The following ZNF724 variants were observed in gnomAD, a reference collection of about 807,000 sequenced individuals.
The protein encoded by ZNF724 is zinc finger protein 724 pseudogene.
Under a neutral mutation model 29.3 loss-of-function variants are expected in ZNF724, and 14 were observed. The ratio of observed to expected loss-of-function variants is 0.48; its 90% confidence interval spans 0.32 to 0.75. The LOEUF (loss-of-function observed/expected upper bound fraction) is 0.75, where lower values mean the gene tolerates loss of function less well. Ranked by LOEUF, ZNF724 falls within the 30% of genes least tolerant of loss-of-function variation. ZNF724 has a pLI of 0.04. For missense variants in ZNF724, 557 were observed against 571.2 expected (o/e 0.98, Z 0.25); for synonymous variants, 180 against 193.6 (o/e 0.93, Z 0.58).
intron 1 of ZNF724, among the ~76,000 whole-genome samples, chr19:23,248,491 G>A (rs1972282424): frequency 6.6e-6 from 1 of 151,984 alleles, no homozygotes; most frequent in Non-Finnish European, 1.5e-5. Context: ...CCTCTGTGGA[G>A]TGTGAAAATA....
chr19:23,227,901 G>A (rs1353585038), intron 3 of ZNF724, among the ~76,000 whole-genome samples: 2 of 151,988 alleles, frequency 1.3e-5, no homozygotes, highest in African/African-American at 4.8e-5. Flanking sequence ...ATTTGAAATA[G>A]AAAATAGAAA....
chr19:23,224,053 A>G (rs1292343233), intron 3 of ZNF724, 35 bp from the exon 4 acceptor site: 1 of 615,786 alleles, frequency 1.6e-6, no homozygotes, highest in South Asian at 2.0e-5. Flanking sequence ...TACTCCACAT[A>G]CTAGACTCAG....
intron 1 of ZNF724, among the ~76,000 whole-genome samples, chr19:23,241,053 C>CAAA (rs1162705287): frequency 5.4e-5 from 8 of 148,804 alleles, no homozygotes; most frequent in African/African-American, 2.0e-4. Flanking sequence ...ACAACAACAA[C>CAAA]AAAAAAAAAA....
At chr19:23,246,931 C>T (rs1278016095) in intron 1 of ZNF724, among the ~76,000 whole-genome samples, 2 of 152,028 alleles carry the variant, frequency 1.3e-5, no homozygotes, top group African/African-American at 4.8e-5. Context: ...CAAAAAAACA[C>T]ACCTGAGAAG....
chr19:23,237,717 T>TAAAA (rs56110527), intron 1 of ZNF724, among the ~76,000 whole-genome samples: 60,855 of 131,818 alleles, frequency 0.46, 15,428 homozygotes, highest in East Asian at 0.66. Flanking sequence ...GAACCCGTCT[T>TAAAA]AAAAAAAAAA....
chr19:23,223,001 ATTCTT>A lies in ZNF724; in HGVS notation c.1239_1243del (p.Lys413AsnfsTer11). ...TTTGTAGGGTTTCTCTCCGGTATGA[ATTCTT>A]TTATGTGTGGTGAGGTGTGAGGATG... On this transcript the variant is annotated frameshift_variant, in exon 4 of 4. Transcript: ENST00000418100. LOFTEE classifies it high-confidence loss of function. The A allele has an allele frequency of 1.5e-6, 2 of 1,364,348 alleles. No homozygotes were observed. Among genetic ancestry groups the A allele is most frequent in the Non-Finnish European group, 2.1e-6 (2 of 953,870 alleles). 84.5% of individuals were successfully genotyped at this position (1,364,348 alleles called of 1,614,324 possible).
At chr19:23,248,424 G>A (rs1972280373) in intron 1 of ZNF724, among the ~76,000 whole-genome samples, 1 of 152,030 alleles carries the variant, frequency 6.6e-6, no homozygotes, top group African/African-American at 2.4e-5. Context: ...AGGAGAACTG[G>A]GGGATACACG....
chr19:23,231,251 T>G lies in ZNF724; in HGVS notation c.226+15A>C. On this transcript the variant is annotated intron_variant, in intron 3 of 3. Coordinates refer to ENST00000418100, the MANE Select transcript of ZNF724 (RefSeq NM_001355404.2). ...CCTCTCATCTGTGTCATCTGTCATA[T>G]TCACTCTCACCTACCTGGGGGTTTG... is the stretch of plus-strand genomic sequence containing the variant. 3 of 1,309,632 alleles carry G rather than the reference T, an allele frequency of 2.3e-6. No individual in the cohort carries two copies. Among genetic ancestry groups the G allele is most frequent in the Non-Finnish European group, 3.3e-6 (3 of 918,984 alleles). 81.1% of individuals were successfully genotyped at this position (1,309,632 alleles called of 1,614,324 possible).
chr19:23,249,930 CCT>C (rs1233278472), intron 1 of ZNF724, among the ~76,000 whole-genome samples: 2 of 152,190 alleles, frequency 1.3e-5, no homozygotes, highest in African/African-American at 4.8e-5. Flanking sequence ...AGGATTCTCC[CCT>C]GACTACCCTC....
chr19:23,246,630 G>T (rs2145796666), intron 1 of ZNF724, among the ~76,000 whole-genome samples: 1 of 151,934 alleles, frequency 6.6e-6, no homozygotes, highest in East Asian at 1.9e-4. Flanking sequence ...CTCCAGCCTG[G>T]GCGACAGAGC....
At chr19:23,229,021 C>T (rs1971888697) in intron 3 of ZNF724, among the ~76,000 whole-genome samples, 1 of 151,768 alleles carries the variant, frequency 6.6e-6, no homozygotes, top group South Asian at 2.1e-4. Context: ...TGAGATGGTG[C>T]CACTGCACTC....
At position 23,222,121 on chromosome 19, in the gene ZNF724, G is replaced by GT. The variant is rs1034666050; in HGVS notation, c.*263dup. 5 of 388,078 alleles carry GT rather than the reference G, an allele frequency of 1.3e-5. No homozygotes were observed. Among genetic ancestry groups the GT allele is most frequent in the Non-Finnish European group, 2.3e-5 (5 of 218,644 alleles). 24.0% of individuals were successfully genotyped at this position (388,078 alleles called of 1,614,324 possible). A position where few individuals can be genotyped will look rare whatever the true frequency, so the allele number is the denominator to read the frequency against. On this transcript the variant is annotated 3_prime_UTR_variant, in exon 4 of 4. Transcript: ENST00000418100. Reference sequence around the variant, plus strand: ...AATAAAGTGTCAGCATTGGTTAAAAGTTTTGCCACATTCTTCACACTTGTA... The same window carrying GT: ...AATAAAGTGTCAGCATTGGTTAAAAGTTTTTGCCACATTCTTCACACTTGTA...
intron 1 of ZNF724, among the ~76,000 whole-genome samples, chr19:23,246,795 T>C (rs1972245123): frequency 6.6e-6 from 1 of 152,220 alleles, no homozygotes; most frequent in African/African-American, 2.4e-5. Flanking sequence ...AGCAATTATC[T>C]ACCACATTTT....
chr19:23,223,542 A>AG lies in ZNF724; in HGVS notation c.702dup (p.Phe235LeufsTer2), dbSNP rs1221102714. 1 of 735,698 alleles carries AG rather than the reference A, an allele frequency of 1.4e-6. No homozygotes were observed. 45.6% of individuals were successfully genotyped at this position (735,698 alleles called of 1,614,324 possible). A position where few individuals can be genotyped will look rare whatever the true frequency, so the allele number is the denominator to read the frequency against. Reference sequence around the variant, plus strand: ...GTGTTAAGGTGTGAGGACTTGTTAAAGGCTATGCCACATTCTTCACATTTG... The same window carrying AG: ...GTGTTAAGGTGTGAGGACTTGTTAAAGGGCTATGCCACATTCTTCACATTTG... On this transcript the variant is annotated frameshift_variant, in exon 4 of 4. Coordinates refer to ENST00000418100, the MANE Select transcript of ZNF724 (RefSeq NM_001355404.2). LOFTEE classifies it low-confidence loss of function (END_TRUNC).
intron 1 of ZNF724, among the ~76,000 whole-genome samples, chr19:23,241,267 C>T (rs1277202278): frequency 2.6e-5 from 4 of 152,012 alleles, no homozygotes; most frequent in African/African-American, 9.7e-5. Context: ...AAATAGGCTA[C>T]CAACTAAAAA....
chr19:23,237,472 T>C (rs1972040438), intron 1 of ZNF724, among the ~76,000 whole-genome samples: 1 of 152,106 alleles, frequency 6.6e-6, no homozygotes, highest in South Asian at 2.1e-4. Context: ...AGTAATAATG[T>C]AGAATTTTAA....
chr19:23,224,062 A>G lies in ZNF724; in HGVS notation c.227-44T>C, dbSNP rs1479092017. ...ACAACTTACTCCACATACTAGACTC[A>G]GATACATATTCTTTACACATCTAAC... On this transcript the variant is annotated intron_variant, in intron 3 of 3. Coordinates refer to ENST00000418100, the MANE Select transcript of ZNF724 (RefSeq NM_001355404.2). 14 of 610,734 alleles carry G rather than the reference A, an allele frequency of 2.3e-5. No individual in the cohort carries two copies. In the East Asian group the frequency reaches 3.0e-4, roughly 13 times the overall value. The allele number at this position is 610,734 out of a possible 1,614,324, so 37.8% of individuals were successfully genotyped here. A position where few individuals can be genotyped will look rare whatever the true frequency, so the allele number is the denominator to read the frequency against.
chr19:23,247,259 A>G (rs1027323601), intron 1 of ZNF724, among the ~76,000 whole-genome samples: 1 of 152,208 alleles, frequency 6.6e-6, no homozygotes, highest in African/African-American at 2.4e-5. Flanking sequence ...GAAAATTTCT[A>G]AACTCACAGT....
chr19:23,233,528 A>G (rs1467459964), intron 1 of ZNF724, among the ~76,000 whole-genome samples: 13 of 152,194 alleles, frequency 8.5e-5, no homozygotes, highest in Admixed American at 8.5e-4. Flanking sequence ...CAGCCACAAA[A>G]AGAACACTTT....
Sources: gnomAD v4.1 joint callset for allele counts (sites outside exome capture counted in the v4.1 genomes callset) on GRCh38, gnomAD v4.1.1 for gene constraint, MANE v1.5 for transcripts, NCBI Gene and HGNC (gene_info 2026-07-23, HGNC 2026-07-21) for gene names.